The following IQCE variants were observed in gnomAD, a reference collection of about 807,000 sequenced individuals.
The protein encoded by IQCE is IQ domain-containing protein E.
A neutral mutation model predicts 96.0 loss-of-function variants in IQCE; 115 were observed. That is an observed-to-expected ratio of 1.20 (90% CI 1.03 to 1.40). The LOEUF is 1.40. Ranked by LOEUF, IQCE falls within the 40% of genes most tolerant of loss-of-function variation. IQCE has a pLI of 0.00. For synonymous variants in IQCE, 412 were observed against 371.2 expected (o/e 1.11, Z -1.26); for missense variants, 1,041 against 909.1 (o/e 1.15, Z -1.87).
At chr7:2,568,843 G>T in intron 2 of IQCE, 111 bp from the exon 3 acceptor site, 1 of 971,826 alleles carries the variant, frequency 1.0e-6, no homozygotes, top group Admixed American at 1.9e-5. Context: ...GTAAGCTCAC[G>T]TCCTCTTGCT....
intron 17 of IQCE, 100 bp from the exon 18 acceptor site, chr7:2,601,341 T>C: frequency 2.4e-6 from 2 of 822,512 alleles, no homozygotes; most frequent in Non-Finnish European, 4.1e-6. Context: ...AGGCCTCTTG[T>C]TGGCTTGATG....
At chr7:2,575,265 G>T (rs539051674) in intron 6 of IQCE, among the ~76,000 whole-genome samples, 14 of 152,290 alleles carry the variant, frequency 9.2e-5, no homozygotes, top group Non-Finnish European at 1.6e-4. Context: ...GTTATCACCC[G>T]CGAGGGTGGA....
At position 2,572,332 on chromosome 7, in the gene IQCE, C is replaced by A; in HGVS notation, c.394+6C>A. 1 of 1,613,296 alleles carries A rather than the reference C, an allele frequency of 6.2e-7. No individual in the cohort carries two copies. The highest frequency in any genetic ancestry group is 8.5e-7 in the Non-Finnish European group (1 of 1,179,588). On this transcript the variant is annotated splice_donor_region_variant and intron_variant, in intron 5 of 21. Transcript: ENST00000402050. ...CAGGCGCTCTGCCAGCAACGGTGAG[C>A]ATGCCGATGGTGGCGAGGCTGAGGC...
intron 3 of IQCE, among the ~76,000 whole-genome samples, 158 bp downstream of exon 3, chr7:2,569,157 C>T (rs544871126): frequency 6.6e-6 from 1 of 152,124 alleles, no homozygotes; most frequent in Non-Finnish European, 1.5e-5. Flanking sequence ...GCGCTGGAGT[C>T]TCCCCCTTTC....
At position 2,573,584 on chromosome 7, in the gene IQCE, A is replaced by T. The variant is rs748463422; in HGVS notation, c.465+96A>T. 22 of 695,148 alleles carry T rather than the reference A, an allele frequency of 3.2e-5. No individual in the cohort carries two copies. The Admixed American group carries it at 4.0e-4, about 13-fold the overall frequency. 43.1% of individuals were successfully genotyped at this position (695,148 alleles called of 1,614,324 possible). ...AGTGCCTGTGCTGGGAGGTGCCCAG[A>T]TGGGAAGAGCGGGAGCGTTAGGGTC... is the stretch of plus-strand genomic sequence containing the variant. On this transcript the variant is annotated intron_variant, in intron 6 of 21. Coordinates refer to ENST00000402050, the MANE Select transcript of IQCE (RefSeq NM_152558.5).
rs779690487 is a variant in IQCE, at chr7:2,598,563, CT to C, written c.1540del (p.Cys514AlafsTer50). The C allele has an allele frequency of 2.3e-5, 37 of 1,610,996 alleles. No individual in the cohort carries two copies. The East Asian group carries it at 8.1e-4, about 35-fold the overall frequency. On this transcript the variant is annotated frameshift_variant, in exon 17 of 22. Coordinates refer to ENST00000402050, the MANE Select transcript of IQCE (RefSeq NM_152558.5). LOFTEE classifies it high-confidence loss of function. Reference sequence around the variant, plus strand: ...AGGGGCTCCCGCGGCCCCGCTCCCCCTGCTCTGATGGGAGAAGAGACGCCGC... The same window carrying C: ...AGGGGCTCCCGCGGCCCCGCTCCCCCGCTCTGATGGGAGAAGAGACGCCGC... ...EEGLPRPRSP[C>X]SDGRRDAAAR...
intron 3 of IQCE, among the ~76,000 whole-genome samples, chr7:2,570,763 T>C (rs1781698432): frequency 6.6e-6 from 1 of 152,210 alleles, no homozygotes; most frequent in Non-Finnish European, 1.5e-5. Context: ...TTCCCTTACT[T>C]TCATACAAAA....
At chr7:2,581,090 A>G (rs1016817680) in intron 8 of IQCE, among the ~76,000 whole-genome samples, 2 of 151,912 alleles carry the variant, frequency 1.3e-5, no homozygotes, top group Non-Finnish European at 2.9e-5. Flanking sequence ...TGATCTGCCC[A>G]CCTTGGCCTG....
intron 16 of IQCE, 86 bp downstream of exon 16, chr7:2,595,062 T>C: frequency 1.1e-6 from 1 of 902,806 alleles, no homozygotes; most frequent in East Asian, 2.4e-5. Context: ...GTCCAGAGTT[T>C]TTTCTGACCA....
intron 11 of IQCE, among the ~76,000 whole-genome samples, chr7:2,585,048 ATTT>A (rs34559707): frequency 1.4e-5 from 2 of 140,538 alleles, no homozygotes; most frequent in African/African-American, 2.7e-5. Context: ...TGCTCATAAC[ATTT>A]TTTTTTTTTT....
At chr7:2,585,388 G>A (rs575294870) in intron 11 of IQCE, among the ~76,000 whole-genome samples, 2 of 152,306 alleles carry the variant, frequency 1.3e-5, no homozygotes, top group South Asian at 4.2e-4. Flanking sequence ...GCTAACATGT[G>A]TCTCTGTTTA....
In IQCE at chr7:2,559,162, G is replaced by T; in HGVS notation, c.-20G>T. ...GCCCGAGCCAGCAACCCTGAGGGGCGGCCGGGCAGCGCCGCCACCATGTTC... is the reference window on the plus strand; with the variant it reads ...GCCCGAGCCAGCAACCCTGAGGGGCTGCCGGGCAGCGCCGCCACCATGTTC... On this transcript the variant is annotated 5_prime_UTR_variant, in exon 1 of 22. Transcript: ENST00000402050. 8.2e-7 allele frequency: 1 copy of T among 1,214,474 alleles called. No homozygotes were observed. The highest frequency in any genetic ancestry group is 4.1e-5 in the South Asian group (1 of 24,206). The allele number at this position is 1,214,474 out of a possible 1,614,324, so 75.2% of individuals were successfully genotyped here.
chr7:2,606,225 CT>C (rs1439459394), intron 20 of IQCE, among the ~76,000 whole-genome samples: 1 of 152,226 alleles, frequency 6.6e-6, no homozygotes, highest in African/African-American at 2.4e-5. Flanking sequence ...CGGGGGAGGC[CT>C]TTCCAGAGTC....
chr7:2,579,712 TG>T (rs1782509727), intron 8 of IQCE, among the ~76,000 whole-genome samples: 2 of 129,290 alleles, frequency 1.5e-5, no homozygotes, highest in Non-Finnish European at 3.2e-5. Flanking sequence ...TGTGTGTGTG[TG>T]TGTGTGTGTG....
At chr7:2,562,614 T>C (rs1192682187) in intron 1 of IQCE, among the ~76,000 whole-genome samples, 2 of 151,478 alleles carry the variant, frequency 1.3e-5, no homozygotes, top group Non-Finnish European at 2.9e-5. Flanking sequence ...TTTCCCCCTG[T>C]ATTTTGGTAA....
At chr7:2,594,849 C>G (rs751213143) in intron 15 of IQCE, 37 bp from the exon 16 acceptor site, 6 of 1,421,904 alleles carry the variant, frequency 4.2e-6, no homozygotes, top group Non-Finnish European at 5.0e-6. Flanking sequence ...CACATAGTGA[C>G]AGGTGAGGTG....
At chr7:2,568,050 A>T (rs1191211965) in intron 2 of IQCE, among the ~76,000 whole-genome samples, 1 of 152,182 alleles carries the variant, frequency 6.6e-6, no homozygotes, top group Non-Finnish European at 1.5e-5. Flanking sequence ...GTGCAAGGTG[A>T]TGAGGAAGTT....
intron 21 of IQCE, among the ~76,000 whole-genome samples, chr7:2,609,334 T>G (rs1182470728): frequency 6.9e-6 from 1 of 144,858 alleles, no homozygotes. Flanking sequence ...TTTTTTGAAG[T>G]GCAGTCTAGC....
rs910118396 is a variant in IQCE, at chr7:2,592,065, G to C, written c.1245-957G>C. On this transcript the variant is annotated intron_variant, in intron 14 of 21. Coordinates refer to ENST00000402050, the MANE Select transcript of IQCE (RefSeq NM_152558.5). ...GCCTCCCAAAGTGCTGGGATTACAG[G>C]CGTGAGCCACCGCGCCCGGCCCTAC... 2.6e-5 allele frequency among the ~76,000 whole-genome samples: 4 copies of C among 151,916 alleles called. No individual in the cohort carries two copies. In the East Asian group the frequency reaches 7.8e-4, roughly 29 times the overall value.
Sources: allele counts gnomAD v4.1 joint callset (sites outside exome capture counted in the v4.1 genomes callset), GRCh38; gene constraint gnomAD v4.1.1; transcripts MANE v1.5; gene names NCBI Gene and HGNC (gene_info 2026-07-23, HGNC 2026-07-21).